Variants in NBAS observed in about 807,000 individuals in gnomAD.
NBAS encodes NBAS subunit of NRZ tethering complex.
Under a neutral mutation model 302.5 loss-of-function variants are expected in NBAS, and 219 were observed. That is an observed-to-expected ratio of 0.72 (90% confidence interval 0.65 to 0.81). The LOEUF (loss-of-function observed/expected upper bound fraction) is 0.81. Among genes scored for constraint, NBAS ranks in the 30% least tolerant of loss-of-function variants. The probability of loss-of-function intolerance (pLI) is 0.00; values close to 1 mark genes in which losing one functional copy is unlikely to be tolerated. For synonymous variants in NBAS, 1,118 were observed against 1,021.6 expected, an observed-to-expected ratio of 1.09 and a Z score of -1.80; for missense variants, 2,932 against 2,841.6, an observed-to-expected ratio of 1.03 and a Z score of -0.72.
In NBAS at chr2:15,270,600, T is replaced by C. The variant is rs556725889; in HGVS notation, c.5724+4884A>G. On this transcript the variant is annotated intron_variant, in intron 44 of 51. Coordinates refer to ENST00000281513, the MANE Select transcript of NBAS (RefSeq NM_015909.4). ...TTTGAGAATGACCAATCTATAATTA[T>C]TTAATCAACCACTTAAGTATAAAGT... Among the ~76,000 whole-genome samples the C allele has an allele frequency of 8.5e-4, 129 of 152,334 alleles. 1 individual carries two copies. The Middle Eastern group carries it at 0.017, about 20-fold the overall frequency.
intron 51 of NBAS, chr2:15,178,194 G>GTA: frequency 2.1e-6 from 1 of 468,812 alleles, no homozygotes; most frequent in Non-Finnish European, 4.4e-6. Context: ...GCATGCATGT[G>GTA]TATATATACA....
At chr2:14,862,402 C>T in the NBAS span, among the ~76,000 whole-genome samples, 3 of 152,118 alleles carry the variant, frequency 2.0e-5, no homozygotes, top group Non-Finnish European at 4.4e-5. Flanking sequence ...CAAGCATAAG[C>T]CACTGCGCCC....
intron 21 of NBAS, among the ~76,000 whole-genome samples, chr2:15,439,374 C>A (rs1049849474): frequency 6.6e-6 from 1 of 151,628 alleles, no homozygotes. Flanking sequence ...CAAAAGGCTG[C>A]CCTGTTCCCA....
At chr2:15,225,929 A>T (rs1436205653) in intron 47 of NBAS, among the ~76,000 whole-genome samples, 1 of 152,192 alleles carries the variant, frequency 6.6e-6, no homozygotes, top group Non-Finnish European at 1.5e-5. Flanking sequence ...ACAAGGTAAG[A>T]CCTTGCTACT....
chr2:15,204,686 A>G lies in NBAS; in HGVS notation c.6432+14087T>C, dbSNP rs542641681. On this transcript the variant is annotated intron_variant, in intron 48 of 51. Coordinates refer to ENST00000281513, the MANE Select transcript of NBAS (RefSeq NM_015909.4). Reference sequence around the variant, plus strand: ...ATGGAATACTATACAGCCATAAAAAAGGATGAGTTCATGTCCTTTGTAGGG... The same window carrying G: ...ATGGAATACTATACAGCCATAAAAAGGGATGAGTTCATGTCCTTTGTAGGG... Among the ~76,000 whole-genome samples the G allele has an allele frequency of 3.0e-3, 455 of 152,352 alleles. 1 individual carries two copies. The highest frequency in any genetic ancestry group is 5.0e-3 in the South Asian group (24 of 4,822).
the NBAS span, among the ~76,000 whole-genome samples, chr2:14,854,934 G>C: frequency 9.9e-5 from 15 of 152,160 alleles, no homozygotes; most frequent in South Asian, 2.1e-4. Context: ...TGAGACACCA[G>C]CTGGGGCAGT....
chr2:15,254,537 T>C (rs1668499629), intron 44 of NBAS, among the ~76,000 whole-genome samples: 1 of 152,186 alleles, frequency 6.6e-6, no homozygotes, highest in African/African-American at 2.4e-5. Flanking sequence ...TTTCTTTTTT[T>C]TCTTCTAAGT....
At position 15,275,663 on chromosome 2, in the gene NBAS, T is replaced by C. The variant is rs774476068; in HGVS notation, c.5545A>G (p.Ile1849Val). The change falls in exon 44 of 52, where the codon ATC becomes GTC. Residue 1849 changes from isoleucine (I) to valine (V), a missense_variant. Physicochemically the swap from Ile to Val is conservative, Grantham distance 29. Transcript: ENST00000281513. ...GTCCAGAACAACTTCTGTAACCAGA[T>C]GGTGTACAGAGAGCTTGGGGAAAGC... is the stretch of plus-strand genomic sequence containing the variant. Reference protein sequence around the residue: ...QMLSPSSLYTIWLQKLFWTGD... With the variant: ...QMLSPSSLYTVWLQKLFWTGD... 6 of 1,614,078 alleles carry C rather than the reference T, an allele frequency of 3.7e-6. No homozygotes were observed. The highest frequency in any genetic ancestry group is 1.3e-5 in the African/African-American group (1 of 74,932).
intron 38 of NBAS, among the ~76,000 whole-genome samples, chr2:15,317,337 C>T (rs1002748285): frequency 5.3e-5 from 8 of 152,166 alleles, no homozygotes; most frequent in African/African-American, 1.9e-4. Flanking sequence ...CAGAGCACCT[C>T]TTTTCCTCCA....
At chr2:15,178,946 TAA>T (rs5829492) in intron 51 of NBAS, 40 bp downstream of exon 51, 31,741 of 1,391,952 alleles carry the variant, frequency 0.023, no homozygotes, top group East Asian at 0.074. Context: ...TTTGAAACAT[TAA>T]AAAAAAAAAA....
chr2:15,427,491 A>G (rs1677536368), intron 22 of NBAS, among the ~76,000 whole-genome samples: 1 of 152,252 alleles, frequency 6.6e-6, no homozygotes, highest in African/African-American at 2.4e-5. Context: ...AGTTGTTGTA[A>G]TAAGCACCAT....
intron 25 of NBAS, among the ~76,000 whole-genome samples, chr2:15,412,711 A>G (rs2148452896): frequency 6.6e-6 from 1 of 152,298 alleles, no homozygotes; most frequent in African/African-American, 2.4e-5. Context: ...TCCAGTGTGA[A>G]ATTTTTAAGA....
chr2:14,873,058 G>A, the NBAS span, among the ~76,000 whole-genome samples: 5 of 152,188 alleles, frequency 3.3e-5, no homozygotes, highest in Admixed American at 1.3e-4. Flanking sequence ...AGGTGGCCGA[G>A]GCTAGCTCGG....
chr2:15,324,999 A>G (rs1671997926), intron 38 of NBAS, among the ~76,000 whole-genome samples: 1 of 152,174 alleles, frequency 6.6e-6, no homozygotes, highest in African/African-American at 2.4e-5. Context: ...CATACTCAAC[A>G]TTTCTCCAAA....
chr2:14,944,856 A>T, the NBAS span, among the ~76,000 whole-genome samples: 1 of 152,088 alleles, frequency 6.6e-6, no homozygotes, highest in Non-Finnish European at 1.5e-5. Context: ...CACAGTTTCT[A>T]TACCGGAAAT....
At chr2:15,152,296 C>A in the NBAS span, among the ~76,000 whole-genome samples, 1 of 152,198 alleles carries the variant, frequency 6.6e-6, no homozygotes, top group Non-Finnish European at 1.5e-5. Flanking sequence ...AGAGTGGCGT[C>A]CGTACCCAAG....
At chr2:15,294,133 C>G (rs1490788115) in intron 40 of NBAS, among the ~76,000 whole-genome samples, 1 of 152,200 alleles carries the variant, frequency 6.6e-6, no homozygotes, top group Non-Finnish European at 1.5e-5. Flanking sequence ...TTAGGACAGA[C>G]AGTCATGCAA....
the NBAS span, among the ~76,000 whole-genome samples, chr2:14,794,997 G>A: frequency 3.9e-5 from 6 of 152,012 alleles, no homozygotes; most frequent in African/African-American, 1.2e-4. Context: ...TTGTCCATTC[G>A]CCTGTTAATG....
chr2:14,791,570 G>A, the NBAS span, among the ~76,000 whole-genome samples: 6,142 of 152,112 alleles, frequency 0.04, 168 homozygotes, highest in Non-Finnish European at 0.059. Context: ...CTGGGAGGCC[G>A]AGGCAGGCAC....
Sources: gnomAD v4.1 joint callset for allele counts (sites outside exome capture counted in the v4.1 genomes callset) on GRCh38, gnomAD v4.1.1 for gene constraint, MANE v1.5 for transcripts, NCBI Gene and HGNC (gene_info 2026-07-23, HGNC 2026-07-21) for gene names.